Variants in JADE2 observed in about 807,000 individuals in gnomAD.
JADE2 encodes jade family PHD finger 2, also known as E3 ubiquitin-protein ligase Jade-2.
Under a neutral mutation model 85.7 loss-of-function variants are expected in JADE2, and 13 were observed. The ratio of observed to expected loss-of-function variants is 0.15; its 90% confidence interval spans 0.10 to 0.24. The LOEUF is 0.24. Among genes scored for constraint, JADE2 ranks in the 10% least tolerant of loss-of-function variants. The pLI is 1.00. For synonymous variants in JADE2, 440 were observed against 456.1 expected (o/e 0.96, Z 0.45); for missense variants, 846 against 1,115.9 (o/e 0.76, Z 3.45).
rs1554131268 is a variant in JADE2 at position 134,580,433 on chromosome 5, C to CCGCCGTCCTGCCATCCCCCCCCCG, written c.*1117_*1118insGCCGTCCTGCCATCCCCCCCCCGC. On this transcript the variant is annotated 3_prime_UTR_variant, in exon 12 of 12. Transcript: ENST00000681547. ...AACCCCTCGCACAGCCATCCCCCCC[C>CCGCCGTCCTGCCATCCCCCCCCCG]CCGTCCTGCCATCCCCCCCCGCCGT... 7.8e-6 allele frequency: 1 copy of CCGCCGTCCTGCCATCCCCCCCCCG among 128,862 alleles called. No individual in the cohort carries two copies. The highest frequency in any genetic ancestry group is 2.8e-5 in the African/African-American group (1 of 35,592). 8.0% of individuals were successfully genotyped at this position (128,862 alleles called of 1,614,324 possible).
chr5:134,565,722 A>T lies in JADE2; in HGVS notation c.970-394A>T, dbSNP rs184162250. Among the ~76,000 whole-genome samples, 551 of 152,026 alleles carry T rather than the reference A, an allele frequency of 3.6e-3. 1 individual carries two copies. Among genetic ancestry groups the T allele is most frequent in the African/African-American group, 0.013 (529 of 41,464 alleles). ...GTGGTGCATGCCTGTAGCCCTAGCTACTTGGGAGGCTGAGGCAGGAGAATC... is the reference window on the plus strand; with the variant it reads ...GTGGTGCATGCCTGTAGCCCTAGCTTCTTGGGAGGCTGAGGCAGGAGAATC... On this transcript the variant is annotated intron_variant, in intron 8 of 11. Coordinates refer to ENST00000681547, the MANE Select transcript of JADE2 (RefSeq NM_001388185.1).
rs1267840192 is a variant in JADE2 at position 134,582,459 on chromosome 5, A to G, written c.*3142A>G. 2 of 152,212 alleles carry G rather than the reference A, an allele frequency of 1.3e-5. No individual in the cohort carries two copies. The highest frequency in any genetic ancestry group is 2.9e-5 in the Non-Finnish European group (2 of 68,038). The allele number at this position is 152,212 out of a possible 1,614,324, so 9.4% of individuals were successfully genotyped here. A position where few individuals can be genotyped will look rare whatever the true frequency, so the allele number is the denominator to read the frequency against. On this transcript the variant is annotated 3_prime_UTR_variant, in exon 12 of 12. Transcript: ENST00000681547. Reference sequence around the variant, plus strand: ...ACTGGGACTAGCTGGGACAATTCCTAGAGATTCAACTGCCCAATTCTAACC... The same window carrying G: ...ACTGGGACTAGCTGGGACAATTCCTGGAGATTCAACTGCCCAATTCTAACC...
At chr5:134,532,379 C>T (rs1169180710) in intron 1 of JADE2, among the ~76,000 whole-genome samples, 2 of 152,082 alleles carry the variant, frequency 1.3e-5, no homozygotes, top group African/African-American at 4.8e-5. Flanking sequence ...GCCGAGGATA[C>T]AGAGAGGCTG....
chr5:134,560,593 A>T (rs984027658), intron 5 of JADE2, among the ~76,000 whole-genome samples, 153 bp from the exon 6 acceptor site: 3 of 152,160 alleles, frequency 2.0e-5, no homozygotes, highest in Non-Finnish European at 4.4e-5. Context: ...TTTTCAGAGG[A>T]TGGAGCTGCT....
intron 10 of JADE2, 192 bp downstream of exon 10, chr5:134,573,954 C>G (rs974898882): frequency 1.5e-6 from 1 of 662,010 alleles, no homozygotes; most frequent in Admixed American, 2.5e-5. Flanking sequence ...CTGAGTTGTG[C>G]GTCACTAGGC....
intron 4 of JADE2, among the ~76,000 whole-genome samples, chr5:134,553,545 G>A (rs904217951): frequency 6.6e-6 from 1 of 151,876 alleles, no homozygotes; most frequent in African/African-American, 2.4e-5. Flanking sequence ...GTAGAGGTGG[G>A]GTTTCCCCAT....
chr5:134,572,642 G>A (rs1764106550), intron 9 of JADE2, among the ~76,000 whole-genome samples: 1 of 152,238 alleles, frequency 6.6e-6, no homozygotes. Context: ...TGATAATGGA[G>A]TCTCCATCCT....
In JADE2 at chr5:134,562,083, A is replaced by G; in HGVS notation, c.685-117A>G. On this transcript the variant is annotated intron_variant, in intron 6 of 11. Coordinates refer to ENST00000681547, the MANE Select transcript of JADE2 (RefSeq NM_001388185.1). The surrounding 1 kb of genome is among the most constrained non-coding windows in gnomAD (Gnocchi z 4.6). Reference sequence around the variant, plus strand: ...TCCTCAGAAGTTGTACGTGCCAGAGATGGGAGGCTGTGTAGCAGTGTAGCA... The same window carrying G: ...TCCTCAGAAGTTGTACGTGCCAGAGGTGGGAGGCTGTGTAGCAGTGTAGCA... 9.9e-7 allele frequency: 1 copy of G among 1,011,836 alleles called. No individual in the cohort carries two copies. The highest frequency in any genetic ancestry group is 1.8e-5 in the South Asian group (1 of 56,048). The allele number at this position is 1,011,836 out of a possible 1,614,324, so 62.7% of individuals were successfully genotyped here. A position where few individuals can be genotyped will look rare whatever the true frequency, so the allele number is the denominator to read the frequency against.
At chr5:134,561,183 C>T (rs1377924167) in intron 6 of JADE2, among the ~76,000 whole-genome samples, 1 of 152,228 alleles carries the variant, frequency 6.6e-6, no homozygotes, top group Non-Finnish European at 1.5e-5. Context: ...ACTGTCCCAT[C>T]AGCCTCCCTC....
At chr5:134,538,859 T>C (rs1438454549) in intron 3 of JADE2, among the ~76,000 whole-genome samples, 1 of 148,948 alleles carries the variant, frequency 6.7e-6, no homozygotes, top group Non-Finnish European at 1.5e-5. Flanking sequence ...TAATCCTGGC[T>C]CTTTTTTTTT....
chr5:134,542,302 G>A (rs1383833969), intron 3 of JADE2, among the ~76,000 whole-genome samples: 3 of 152,222 alleles, frequency 2.0e-5, no homozygotes, highest in African/African-American at 7.2e-5. Flanking sequence ...GCCATTGTTA[G>A]TGCTTAACCC....
At chr5:134,537,030 CCTT>C (rs1761634151) in intron 2 of JADE2, among the ~76,000 whole-genome samples, 1 of 152,220 alleles carries the variant, frequency 6.6e-6, no homozygotes, top group Admixed American at 6.5e-5. Flanking sequence ...CCTGGCCAGC[CCTT>C]CTTCCCTACA....
chr5:134,539,344 TGA>T (rs1761827266), intron 3 of JADE2, among the ~76,000 whole-genome samples: 1 of 152,122 alleles, frequency 6.6e-6, no homozygotes, highest in East Asian at 1.9e-4. Context: ...ATTACAGGCA[TGA>T]GCCACCGCGC....
chr5:134,573,199 T>C (rs1163802668), intron 9 of JADE2, among the ~76,000 whole-genome samples: 1 of 152,224 alleles, frequency 6.6e-6, no homozygotes, highest in Non-Finnish European at 1.5e-5. Context: ...AAGAAAGGCC[T>C]TGGACAGGAG....
chr5:134,570,558 C>G (rs908599841), intron 9 of JADE2, among the ~76,000 whole-genome samples: 1 of 152,214 alleles, frequency 6.6e-6, no homozygotes, highest in African/African-American at 2.4e-5. Context: ...GCTGCCCACT[C>G]TGGCCGGGTT....
intron 10 of JADE2, chr5:134,575,837 G>A (rs1172888630): frequency 6.6e-6 from 1 of 151,986 alleles, no homozygotes; most frequent in Non-Finnish European, 1.5e-5. Context: ...GGCTGCAAGC[G>A]AGCTATGATT....
At chr5:134,541,178 C>G (rs1344200135) in intron 3 of JADE2, among the ~76,000 whole-genome samples, 3 of 152,230 alleles carry the variant, frequency 2.0e-5, no homozygotes, top group Admixed American at 6.5e-5. Context: ...CGCCCAGAAC[C>G]CTTGAACTGT....
At chr5:134,571,633 G>T (rs1764025864) in intron 9 of JADE2, among the ~76,000 whole-genome samples, 1 of 152,200 alleles carries the variant, frequency 6.6e-6, no homozygotes, top group African/African-American at 2.4e-5. Flanking sequence ...GGAGGCCGAG[G>T]TTGCAGTGAG....
At chr5:134,565,344 G>A (rs980193902) in intron 8 of JADE2, among the ~76,000 whole-genome samples, 1 of 152,206 alleles carries the variant, frequency 6.6e-6, no homozygotes, top group African/African-American at 2.4e-5. Flanking sequence ...GTGCGTGATT[G>A]CTGACACAGT....
Sources: allele counts gnomAD v4.1 joint callset (sites outside exome capture counted in the v4.1 genomes callset), GRCh38; gene constraint gnomAD v4.1.1; non-coding constraint Gnocchi (gnomAD v3.1); transcripts MANE v1.5; gene names NCBI Gene and HGNC (gene_info 2026-07-23, HGNC 2026-07-21).